The following OXGR1 variants were observed in gnomAD, a reference collection of about 807,000 sequenced individuals.
OXGR1 encodes oxoglutarate receptor 1.
OXGR1 carries 10 observed loss-of-function variants against 10.0 expected under a neutral mutation model. The ratio of observed to expected loss-of-function variants is 1.00; its 90% confidence interval spans 0.62 to 1.70. The LOEUF is 1.70. Among genes scored for constraint, OXGR1 ranks in the 40% most tolerant of loss-of-function variants. The pLI, the probability that OXGR1 is intolerant of heterozygous loss-of-function variation, is 0.00. For synonymous variants in OXGR1, 191 were observed against 155.9 expected (o/e 1.22, Z -1.68); for missense variants, 398 against 407.6 (o/e 0.98, Z 0.20).
In OXGR1 at chr13:96,993,777, AG is replaced by A. The variant is rs546310664; in HGVS notation, c.-278+520del. Among the ~76,000 whole-genome samples the A allele has an allele frequency of 1.0e-4, 15 of 147,880 alleles. No homozygotes were observed. In the South Asian group the frequency reaches 3.2e-3, roughly 32 times the overall value. ...AAACAAAAAACAAGACAGAGAAGAA[AG>A]ACATTTCAGGGGAAACATTTTCCTC... On this transcript the variant is annotated intron_variant, in intron 1 of 3. Transcript: ENST00000541038.
In OXGR1 at chr13:96,987,178, A is replaced by G; in HGVS notation, c.582T>C (p.Thr194=). The G allele has an allele frequency of 8.7e-6, 14 of 1,614,146 alleles. No homozygotes were observed. Among genetic ancestry groups the G allele is most frequent in the Non-Finnish European group, 1.2e-5 (14 of 1,179,996 alleles). ...TCAAAATCAGGTTGTACCACTTAAT[A>G]GTATTGAGTTCATCCGAACTGGTGA... The part of the protein sequence containing the change: ...LDLTSSDELN[T]IKWYNLILTA... The change falls in exon 4 of 4, where the codon ACT becomes ACC. Residue 194 remains threonine (T), a synonymous_variant. Coordinates refer to ENST00000541038, the MANE Select transcript of OXGR1 (RefSeq NM_001346194.2).
chr13:96,992,801 C>T (rs1882123476), intron 1 of OXGR1, among the ~76,000 whole-genome samples: 1 of 152,210 alleles, frequency 6.6e-6, no homozygotes. Flanking sequence ...CCCTCTCCCC[C>T]AGACTCCCTG....
Position 96,987,368 on chromosome 13 carries a change from C to T in OXGR1, c.392G>A (p.Arg131His), listed in dbSNP as rs145670146. ...CATTGGGTGAATGATCACACAGTAG[C>T]GGAAGATGCTGAAACAGGTGAGGAA... ...ILFLTCFSIFRYCVIIHPMSC... is the reference protein window; with the variant it reads ...ILFLTCFSIFHYCVIIHPMSC... Residue 131 changes from arginine (R) to histidine (H), a missense_variant, in exon 4 of 4, where the codon CGC becomes CAC. Arg to His is a conservative substitution (Grantham distance 29). Coordinates refer to ENST00000541038, the MANE Select transcript of OXGR1 (RefSeq NM_001346194.2). 5.9e-5 allele frequency: 95 copies of T among 1,614,052 alleles called. No individual in the cohort carries two copies. Among genetic ancestry groups the T allele is most frequent in the Admixed American group, 3.5e-4 (21 of 60,008 alleles).
rs761307593 is a variant in OXGR1, at chr13:96,987,228, T to G, written c.532A>C (p.Thr178Pro). The G allele has an allele frequency of 6.2e-7, 1 of 1,614,190 alleles. No individual in the cohort carries two copies. Among genetic ancestry groups the G allele is most frequent in the South Asian group, 1.1e-5 (1 of 91,086 alleles). The change falls in exon 4 of 4, where the codon ACC becomes CCC. Residue 178 changes from threonine to proline, a missense_variant. Transcript: ENST00000541038. ...MTFLITSTNRTNRSACLDLTS... is the reference protein window; with the variant it reads ...MTFLITSTNRPNRSACLDLTS... ...AGGTCGAGACAGGCTGATCTGTTGG[T>G]CCTGTTGGTTGATGTGATCAAGAAG...
intron 3 of OXGR1, among the ~76,000 whole-genome samples, chr13:96,988,781 T>C (rs1881914461): frequency 6.6e-6 from 1 of 152,186 alleles, no homozygotes; most frequent in African/African-American, 2.4e-5. Context: ...CTTATTAGTG[T>C]TTTTAAAAAT....
intron 2 of OXGR1, among the ~76,000 whole-genome samples, chr13:96,990,486 T>C (rs151228264): frequency 3.9e-5 from 6 of 152,188 alleles, no homozygotes; most frequent in Non-Finnish European, 5.9e-5. Context: ...GTCAGCTCCT[T>C]GAAAGAAAAA....
chr13:96,993,929 CTGTT>C (rs1186185055), intron 1 of OXGR1, among the ~76,000 whole-genome samples: 2 of 152,028 alleles, frequency 1.3e-5, no homozygotes, highest in Non-Finnish European at 2.9e-5. Context: ...GGGATTAACT[CTGTT>C]TGTCTCCTAA....
chr13:96,991,829 T>G (rs1882071654), intron 2 of OXGR1, among the ~76,000 whole-genome samples: 1 of 152,158 alleles, frequency 6.6e-6, no homozygotes, highest in Admixed American at 6.5e-5. Flanking sequence ...GGAAGCAACC[T>G]AAGTGTCCAT....
chr13:96,992,616 T>C (rs1328917060), intron 1 of OXGR1, 44 bp from the exon 2 acceptor site: 1 of 152,166 alleles, frequency 6.6e-6, no homozygotes. Context: ...TCCAGTTAAG[T>C]GGCAGCAGAT....
intron 2 of OXGR1, among the ~76,000 whole-genome samples, chr13:96,990,968 C>T (rs1882027875): frequency 1.1e-5 from 1 of 91,786 alleles, no homozygotes; most frequent in Non-Finnish European, 2.2e-5. Flanking sequence ...AAAAAGCAAG[C>T]TTAGATCTTT....
rs1881705050 is a variant in OXGR1, at chr13:96,985,796, A to G, written c.*950T>C. 1 of 152,216 alleles carries G rather than the reference A, an allele frequency of 6.6e-6. No individual in the cohort carries two copies. 9.4% of individuals were successfully genotyped at this position (152,216 alleles called of 1,614,324 possible). A position where few individuals can be genotyped will look rare whatever the true frequency, so the allele number is the denominator to read the frequency against. ...ATCCAGACCATGTGTTTTCTCAAAT[A>G]TTTATACTTACCGATAATTAAGCAC... On this transcript the variant is annotated 3_prime_UTR_variant, in exon 4 of 4. Coordinates refer to ENST00000541038, the MANE Select transcript of OXGR1 (RefSeq NM_001346194.2).
chr13:96,987,638 C>G lies in OXGR1; in HGVS notation c.122G>C (p.Gly41Ala), dbSNP rs1417700225. Residue 41 changes from glycine (G) to alanine (A), a missense_variant, in exon 4 of 4, where the codon GGC becomes GCC. Coordinates refer to ENST00000541038, the MANE Select transcript of OXGR1 (RefSeq NM_001346194.2). ...LKMHYLPVIYGIIFLVGFPGN... is the reference protein window; with the variant it reads ...LKMHYLPVIYAIIFLVGFPGN... Reference sequence around the variant, plus strand: ...TGGAAATCCCACGAGGAAGATAATGCCATAAATAACAGGGAGGTAGTGCAT... The same window carrying G: ...TGGAAATCCCACGAGGAAGATAATGGCATAAATAACAGGGAGGTAGTGCAT... The G allele has an allele frequency of 6.2e-7, 1 of 1,614,104 alleles. No individual in the cohort carries two copies.
Position 96,986,855 on chromosome 13 carries a change from T to C in OXGR1, c.905A>G (p.Tyr302Cys). Residue 302 changes from tyrosine (Y) to cysteine (C), a missense_variant, in exon 4 of 4, where the codon TAT becomes TGT. Physicochemically the swap from Tyr to Cys is radical, Grantham distance 194. Coordinates refer to ENST00000541038, the MANE Select transcript of OXGR1 (RefSeq NM_001346194.2). ...CTGAAAGTTGTCGCTGACCACCACATATAGTAACAGGTTACCAAAGGTGTT... is the reference window on the plus strand; with the variant it reads ...CTGAAAGTTGTCGCTGACCACCACACATAGTAACAGGTTACCAAAGGTGTT... Reference protein sequence around the residue: ...ALNTFGNLLLYVVVSDNFQQA... With the variant: ...ALNTFGNLLLCVVVSDNFQQA... 1 of 1,614,172 alleles carries C rather than the reference T, an allele frequency of 6.2e-7. No individual in the cohort carries two copies. Among genetic ancestry groups the C allele is most frequent in the Non-Finnish European group, 8.5e-7 (1 of 1,180,030 alleles).
chr13:96,992,570 A>T lies in OXGR1; in HGVS notation c.-275T>A, dbSNP rs1472104956. 3 of 152,210 alleles carry T rather than the reference A, an allele frequency of 2.0e-5. No individual in the cohort carries two copies. Among genetic ancestry groups the T allele is most frequent in the African/African-American group, 7.2e-5 (3 of 41,432 alleles). The allele number at this position is 152,210 out of a possible 1,614,324, so 9.4% of individuals were successfully genotyped here. ...GAACCTCACGGATTGGGATTCCAAGATTCTGTGGGTAAAGAAGGCAGGATC... is the reference window on the plus strand; with the variant it reads ...GAACCTCACGGATTGGGATTCCAAGTTTCTGTGGGTAAAGAAGGCAGGATC... On this transcript the variant is annotated splice_region_variant and 5_prime_UTR_variant, in exon 2 of 4. Coordinates refer to ENST00000541038, the MANE Select transcript of OXGR1 (RefSeq NM_001346194.2).
At chr13:96,994,249 C>G (rs7329047) in intron 1 of OXGR1, 49 bp downstream of exon 1, 1 of 152,276 alleles carries the variant, frequency 6.6e-6, no homozygotes, top group Non-Finnish European at 1.5e-5. Context: ...TCCCCTATAC[C>G]CGCTCCCTCC....
Position 96,987,827 on chromosome 13 carries a change from T to G in OXGR1, c.-68A>C. ...TTGGCAATATGAATCAAATGAGCAG[T>G]AACTCGCTGATAAAGGAAAACAGAA... On this transcript the variant is annotated 5_prime_UTR_variant, in exon 4 of 4. Transcript: ENST00000541038. 2.0e-6 allele frequency: 3 copies of G among 1,501,656 alleles called. No homozygotes were observed. The Admixed American group carries it at 7.2e-5, about 36-fold the overall frequency. The allele number at this position is 1,501,656 out of a possible 1,614,324, so 93.0% of individuals were successfully genotyped here.
At chr13:96,992,348 A>G (rs1023498342) in intron 2 of OXGR1, 74 bp downstream of exon 2, 1 of 152,172 alleles carries the variant, frequency 6.6e-6, no homozygotes, top group Non-Finnish European at 1.5e-5. Context: ...TATCTCATGT[A>G]CCCCATAATT....
chr13:96,994,669 C>T (rs2138913180), upstream of OXGR1: 1 of 152,228 alleles, frequency 6.6e-6, no homozygotes, highest in East Asian at 1.9e-4. Context: ...AGAAATTTCA[C>T]CACTCTCCTA....
chr13:96,992,827 G>T (rs1054922692), intron 1 of OXGR1, among the ~76,000 whole-genome samples: 4 of 152,078 alleles, frequency 2.6e-5, no homozygotes, highest in East Asian at 1.9e-4. Flanking sequence ...TTCTGGTTCT[G>T]CTCCCATGCT....
Sources: gnomAD v4.1 joint callset for allele counts (sites outside exome capture counted in the v4.1 genomes callset) on GRCh38, gnomAD v4.1.1 for gene constraint, MANE v1.5 for transcripts, NCBI Gene and HGNC (gene_info 2026-07-23, HGNC 2026-07-21) for gene names.